The following KLHL35 variants were observed in gnomAD, a reference collection of about 807,000 sequenced individuals.
The protein encoded by KLHL35 is kelch like family member 35.
KLHL35 carries 50 observed loss-of-function variants against 44.0 expected under a neutral mutation model. That is an observed-to-expected ratio of 1.14 (90% CI 0.91 to 1.44). KLHL35 has a LOEUF of 1.44. KLHL35 is among the 40% of genes most tolerant of loss of function. The pLI, the probability that KLHL35 is intolerant of heterozygous loss-of-function variation, is 0.00. For missense variants in KLHL35, 1,049 were observed against 887.8 expected, an observed-to-expected ratio of 1.18 and a Z score of -2.31; for synonymous variants, 470 against 410.4, an observed-to-expected ratio of 1.15 and a Z score of -1.76.
At chr11:75,432,532 C>A (rs1948545726) in intron 1 of KLHL35, among the ~76,000 whole-genome samples, 1 of 152,180 alleles carries the variant, frequency 6.6e-6, no homozygotes, top group African/African-American at 2.4e-5. Flanking sequence ...CACAACCATG[C>A]TCTGAGTTGA....
intron 1 of KLHL35, among the ~76,000 whole-genome samples, chr11:75,432,583 C>A (rs1187858876): frequency 6.6e-6 from 1 of 152,158 alleles, no homozygotes; most frequent in Non-Finnish European, 1.5e-5. Context: ...GGATGGACTT[C>A]TTGCAAAGGT....
chr11:75,430,566 A>G lies in KLHL35; in HGVS notation c.64T>C (p.Cys22Arg). 6.9e-7 allele frequency: 1 copy of G among 1,453,564 alleles called. No individual in the cohort carries two copies. Among genetic ancestry groups the G allele is most frequent in the Non-Finnish European group, 9.0e-7 (1 of 1,108,192 alleles). The allele number at this position is 1,453,564 out of a possible 1,614,324, so 90.0% of individuals were successfully genotyped here. Residue 22 changes from cysteine (C) to arginine (R), a missense_variant, in exon 2 of 7, where the codon TGC (cysteine) becomes CGC (arginine). Transcript: ENST00000539798. ...PGCEAPCAGP[C>R]HAQRVLQALN... ...GCCTGCAGCACGCGCTGCGCGTGGC[A>G]CGGACCCGCGCACGGCGCTTCGCAG...
In KLHL35 at chr11:75,430,524, G is replaced by T. The variant is rs781459686; in HGVS notation, c.106C>A (p.Arg36=). The T allele has an allele frequency of 1.2e-4, 175 of 1,449,922 alleles. 2 individuals carry two copies. In the East Asian group the frequency reaches 3.2e-3, roughly 27 times the overall value. 89.8% of individuals were successfully genotyped at this position (1,449,922 alleles called of 1,614,324 possible). A position where few individuals can be genotyped will look rare whatever the true frequency, so the allele number is the denominator to read the frequency against. Residue 36 remains arginine, a synonymous_variant, in exon 2 of 7, where the codon CGG becomes AGG. Transcript: ENST00000539798. The part of the protein sequence containing the change: ...RVLQALNAYR[R]SGTLTDVVLR... ...ACCACGTCGGTGAGGGTGCCGCTCCGCCGGTAGGCGTTCAGGGCCTGCAGC... is the reference window on the plus strand; with the variant it reads ...ACCACGTCGGTGAGGGTGCCGCTCCTCCGGTAGGCGTTCAGGGCCTGCAGC...
Position 75,430,147 on chromosome 11 carries a change from C to T in KLHL35, c.483G>A (p.Val161=), listed in dbSNP as rs1948522652. Reference sequence around the variant, plus strand: ...GCGGGGCCAGCGAGAAGGCGGCGGCCACGCGGCGCAGCGCTAGGCTGTTGG... The same window carrying T: ...GCGGGGCCAGCGAGAAGGCGGCGGCTACGCGGCGCAGCGCTAGGCTGTTGG... ...RAANSLALRR[V]AAAFSLAPLA... is the part of the protein sequence containing the mutation. The change falls in exon 2 of 7, where the codon GTG becomes GTA. Residue 161 remains valine (V), a synonymous_variant. Coordinates refer to ENST00000539798, the MANE Select transcript of KLHL35 (RefSeq NM_001039548.3). 4.0e-6 allele frequency: 5 copies of T among 1,251,318 alleles called. No homozygotes were observed. Among genetic ancestry groups the T allele is most frequent in the Non-Finnish European group, 5.0e-6 (5 of 1,000,598 alleles). The allele number at this position is 1,251,318 out of a possible 1,614,324, so 77.5% of individuals were successfully genotyped here.
chr11:75,429,854 T>C lies in KLHL35; in HGVS notation c.776A>G (p.Asp259Gly), dbSNP rs1592039796. The C allele has an allele frequency of 6.6e-7, 1 of 1,516,468 alleles. No individual in the cohort carries two copies. The highest frequency in any genetic ancestry group is 8.8e-7 in the Non-Finnish European group (1 of 1,141,302). The allele number at this position is 1,516,468 out of a possible 1,614,324, so 93.9% of individuals were successfully genotyped here. A position where few individuals can be genotyped will look rare whatever the true frequency, so the allele number is the denominator to read the frequency against. ...CTCGCCGCAGGCCTGCAGCAGCTCGTCCGCCTCCACCTTCTCCAGGAAGTA... is the reference window on the plus strand; with the variant it reads ...CTCGCCGCAGGCCTGCAGCAGCTCGCCCGCCTCCACCTTCTCCAGGAAGTA... ...PAYFLEKVEA[D>G]ELLQACGECR... is the part of the protein sequence containing the mutation. Residue 259 changes from aspartate to glycine, a missense_variant, in exon 2 of 7, where the codon GAC becomes GGC. Coordinates refer to ENST00000539798, the MANE Select transcript of KLHL35 (RefSeq NM_001039548.3).
At chr11:75,431,753 A>C (rs888466252) in intron 1 of KLHL35, among the ~76,000 whole-genome samples, 3 of 152,100 alleles carry the variant, frequency 2.0e-5, no homozygotes, top group African/African-American at 7.2e-5. Context: ...CATCATCCCT[A>C]CCTCACAGGG....
At chr11:75,423,151 C>T (rs1246574951) in intron 6 of KLHL35, 3 of 216,998 alleles carry the variant, frequency 1.4e-5, no homozygotes, top group East Asian at 1.1e-4. Context: ...ATCTCAGACT[C>T]AAGCCAGAAA....
In KLHL35 at chr11:75,429,743, CCCTACCTCCGCGGCCGGGTCCGCAGCGCA is replaced by C. The variant is rs1466267649; in HGVS notation, c.858_881+5del. The stretch of plus-strand genomic sequence containing the variant: ...AGGGCGGGAAGCTAGGGGATGGCGG[CCCTACCTCCGCGGCCGGGTCCGCAGCGCA>C]CCGGCCTCGCGGCCCAGGATGAAGC... On this transcript the variant is annotated splice_donor_variant and splice_donor_5th_base_variant and coding_sequence_variant and intron_variant, in exon 2 of 7. Coordinates refer to ENST00000539798, the MANE Select transcript of KLHL35 (RefSeq NM_001039548.3). LOFTEE classifies it high-confidence loss of function. 6.2e-6 allele frequency: 9 copies of C among 1,452,490 alleles called. No homozygotes were observed. Among genetic ancestry groups the C allele is most frequent in the African/African-American group, 5.9e-5 (4 of 67,340 alleles). 90.0% of individuals were successfully genotyped at this position (1,452,490 alleles called of 1,614,324 possible). A position where few individuals can be genotyped will look rare whatever the true frequency, so the allele number is the denominator to read the frequency against.
intron 1 of KLHL35, among the ~76,000 whole-genome samples, chr11:75,432,740 C>G (rs1484210764): frequency 6.6e-6 from 1 of 151,578 alleles, no homozygotes. Flanking sequence ...GATCCCCAGT[C>G]TGGGGGTCAA....
At position 75,430,536 on chromosome 11, in the gene KLHL35, T is replaced by G. The variant is rs1333420221; in HGVS notation, c.94A>C (p.Asn32His). 6.9e-7 allele frequency: 1 copy of G among 1,453,890 alleles called. No individual in the cohort carries two copies. Among genetic ancestry groups the G allele is most frequent in the Non-Finnish European group, 9.0e-7 (1 of 1,107,980 alleles). 90.1% of individuals were successfully genotyped at this position (1,453,890 alleles called of 1,614,324 possible). ...CHAQRVLQAL[N>H]AYRRSGTLTD... ...AGGGTGCCGCTCCGCCGGTAGGCGT[T>G]CAGGGCCTGCAGCACGCGCTGCGCG... The change falls in exon 2 of 7, where the codon AAC becomes CAC. Residue 32 changes from asparagine to histidine, a missense_variant. Physicochemically the swap from Asn to His is moderately conservative, Grantham distance 68. Transcript: ENST00000539798.
rs1456354215 is a variant in KLHL35 at position 75,425,541 on chromosome 11, T to C, written c.1226A>G (p.His409Arg). ...GAAGGGGTCGTAGCGCTCCACGCTG[T>C]GCAGGCGCCTCAGGCCGTCGAAGCC... ...VGGFDGLRRL[H>R]SVERYDPFSN... Residue 409 changes from histidine (H) to arginine (R), a missense_variant, in exon 5 of 7, where the codon CAC (histidine) becomes CGC (arginine). Transcript: ENST00000539798. 1.5e-5 allele frequency: 22 copies of C among 1,508,868 alleles called. No homozygotes were observed. Among genetic ancestry groups the C allele is most frequent in the Non-Finnish European group, 1.8e-5 (21 of 1,136,474 alleles). 93.5% of individuals were successfully genotyped at this position (1,508,868 alleles called of 1,614,324 possible). A position where few individuals can be genotyped will look rare whatever the true frequency, so the allele number is the denominator to read the frequency against.
At position 75,429,761 on chromosome 11, in the gene KLHL35, G is replaced by C. The variant is rs1408317098; in HGVS notation, c.869C>G (p.Thr290Ser). Residue 290 changes from threonine (T) to serine (S), a missense_variant, in exon 2 of 7, where the codon ACC becomes AGC. Physicochemically the swap from Thr to Ser is moderately conservative, Grantham distance 58. Transcript: ENST00000539798. ...ILGREAGALR[T>S]RPRRFMDLAE... ...ATGGCGGCCCTACCTCCGCGGCCGG[G>C]TCCGCAGCGCACCGGCCTCGCGGCC... The C allele has an allele frequency of 6.7e-7, 1 of 1,481,606 alleles. No homozygotes were observed. The highest frequency in any genetic ancestry group is 8.9e-7 in the Non-Finnish European group (1 of 1,121,854). 91.8% of individuals were successfully genotyped at this position (1,481,606 alleles called of 1,614,324 possible). A position where few individuals can be genotyped will look rare whatever the true frequency, so the allele number is the denominator to read the frequency against.
intron 5 of KLHL35, chr11:75,424,936 TAAC>T (rs1017255971): frequency 6.3e-6 from 1 of 157,504 alleles, no homozygotes; most frequent in African/African-American, 2.4e-5. Flanking sequence ...TGCAAAATTC[TAAC>T]AAAACAAAAC....
intron 6 of KLHL35, 42 bp downstream of exon 6, chr11:75,423,650 T>C (rs372468101): frequency 6.7e-5 from 105 of 1,560,334 alleles, no homozygotes; most frequent in Non-Finnish European, 8.1e-5. Flanking sequence ...TCCAGAGCCT[T>C]AGAAGCGGGT....
rs762831462 is a variant in KLHL35 at position 75,425,529 on chromosome 11, C to T, written c.1238G>A (p.Arg413His). The change falls in exon 5 of 7, where the codon CGC (arginine) becomes CAC (histidine). Residue 413 changes from arginine (R) to histidine (H), a missense_variant. By Grantham distance (29) the Arg-to-His change is conservative. Coordinates refer to ENST00000539798, the MANE Select transcript of KLHL35 (RefSeq NM_001039548.3). ...CCAGGTGTTGGAGAAGGGGTCGTAG[C>T]GCTCCACGCTGTGCAGGCGCCTCAG... is the stretch of plus-strand genomic sequence containing the variant. ...DGLRRLHSVE[R>H]YDPFSNTWAA... The T allele has an allele frequency of 1.2e-5, 18 of 1,543,656 alleles. No homozygotes were observed. The highest frequency in any genetic ancestry group is 4.7e-5 in the East Asian group (2 of 42,162).
chr11:75,423,139 G>T (rs1243036241), intron 6 of KLHL35: 1 of 221,202 alleles, frequency 4.5e-6, no homozygotes, highest in East Asian at 1.0e-4. Context: ...CGCCATCTTA[G>T]AATCTCAGAC....
chr11:75,425,766 C>G, intron 4 of KLHL35, 185 bp from the exon 5 acceptor site: 1 of 466,572 alleles, frequency 2.1e-6, no homozygotes, highest in Non-Finnish European at 3.7e-6. Flanking sequence ...GTTGCTGTAC[C>G]TCCCTGAGCC....
intron 2 of KLHL35, among the ~76,000 whole-genome samples, chr11:75,428,972 G>A (rs1371471954): frequency 6.6e-6 from 1 of 152,214 alleles, no homozygotes; most frequent in Non-Finnish European, 1.5e-5. Flanking sequence ...GGAGGAAACT[G>A]AGGCTCACAT....
intron 2 of KLHL35, among the ~76,000 whole-genome samples, 195 bp from the exon 3 acceptor site, chr11:75,428,821 C>T (rs1948511818): frequency 6.9e-6 from 1 of 145,644 alleles, no homozygotes; most frequent in Non-Finnish European, 1.5e-5. Flanking sequence ...GGAAGAGAAT[C>T]GCTAATGCTT....
Sources: gnomAD v4.1 joint callset for allele counts (sites outside exome capture counted in the v4.1 genomes callset) on GRCh38, gnomAD v4.1.1 for gene constraint, MANE v1.5 for transcripts, NCBI Gene and HGNC (gene_info 2026-07-23, HGNC 2026-07-21) for gene names.